PTPRT: variants seen among roughly 807,000 people sequenced by gnomAD.
The protein encoded by PTPRT is receptor-type tyrosine-protein phosphatase T.
PTPRT carries 56 observed loss-of-function variants against 176.8 expected under a neutral mutation model. The observed-to-expected ratio is 0.32, with a 90% CI of 0.26 to 0.40. The LOEUF is 0.40. Among genes scored for constraint, PTPRT ranks in the 10% least tolerant of loss-of-function variants. PTPRT has a pLI of 1.00. For synonymous variants in PTPRT, 783 were observed against 739.0 expected, an observed-to-expected ratio of 1.06 and a Z score of -0.96; for missense variants, 1,540 against 1,908.2, an observed-to-expected ratio of 0.81 and a Z score of 3.60.
intron 6 of PTPRT, among the ~76,000 whole-genome samples, chr20:42,700,478 T>A (rs985394383): frequency 3.3e-5 from 5 of 152,228 alleles, no homozygotes; most frequent in African/African-American, 1.2e-4. Context: ...GTGTTCTCAC[T>A]TAAGAATGCT....
At chr20:42,287,374 TACA>T (rs1322098520) in intron 12 of PTPRT, among the ~76,000 whole-genome samples, 1 of 151,926 alleles carries the variant, frequency 6.6e-6, no homozygotes, top group African/African-American at 2.4e-5. Context: ...GTGGTATATA[TACA>T]ACAAGGAGTA....
chr20:42,715,487 A>T (rs1421577249), intron 6 of PTPRT, among the ~76,000 whole-genome samples: 2 of 152,188 alleles, frequency 1.3e-5, no homozygotes, highest in Non-Finnish European at 1.5e-5. Context: ...TAAAAATCTG[A>T]TGACTAAAAA....
intron 7 of PTPRT, among the ~76,000 whole-genome samples, chr20:42,661,777 G>A (rs1340370287): frequency 6.6e-6 from 1 of 152,188 alleles, no homozygotes; most frequent in Admixed American, 6.5e-5. Flanking sequence ...CCAATAGTGG[G>A]TGGGATTTAG....
intron 7 of PTPRT, among the ~76,000 whole-genome samples, chr20:42,673,974 T>C (rs186333548): frequency 5.1e-4 from 78 of 152,320 alleles, no homozygotes; most frequent in African/African-American, 1.8e-3. Context: ...TAACCCAGCC[T>C]GTAAATTCCT....
At chr20:42,774,672 C>A (rs2077108253) in intron 4 of PTPRT, among the ~76,000 whole-genome samples, 1 of 152,236 alleles carries the variant, frequency 6.6e-6, no homozygotes. Flanking sequence ...GATCCAGCCC[C>A]ATACATTCAG....
intron 9 of PTPRT, among the ~76,000 whole-genome samples, chr20:42,422,953 C>T (rs1332754616): frequency 1.3e-5 from 2 of 151,944 alleles, no homozygotes; most frequent in African/African-American, 4.8e-5. Context: ...AACAGAAAAC[C>T]AAATACCACA....
At chr20:42,322,572 A>C (rs2057816133) in intron 11 of PTPRT, among the ~76,000 whole-genome samples, 2 of 141,994 alleles carry the variant, frequency 1.4e-5, no homozygotes, top group Non-Finnish European at 3.0e-5. Context: ...GAAAGCTGAA[A>C]CTGGATCCCT....
intron 11 of PTPRT, among the ~76,000 whole-genome samples, chr20:42,347,976 G>A (rs1216906164): frequency 6.6e-6 from 1 of 152,164 alleles, no homozygotes; most frequent in African/African-American, 2.4e-5. Context: ...AGCCTCAAGA[G>A]GACAGAGGTG....
At chr20:42,872,881 G>A (rs1001425132) in intron 2 of PTPRT, among the ~76,000 whole-genome samples, 1 of 152,216 alleles carries the variant, frequency 6.6e-6, no homozygotes, top group Admixed American at 6.5e-5. Context: ...GACAGATCTG[G>A]GATGAGTTCC....
chr20:42,246,387 C>T (rs1326473433), intron 14 of PTPRT, among the ~76,000 whole-genome samples: 4 of 152,094 alleles, frequency 2.6e-5, no homozygotes. Flanking sequence ...TCAAAAGATG[C>T]CATATATGTA....
chr20:42,361,077 C>T (rs930723333), intron 9 of PTPRT, among the ~76,000 whole-genome samples: 1 of 152,170 alleles, frequency 6.6e-6, no homozygotes, highest in African/African-American at 2.4e-5. Context: ...CCTCTGTGCA[C>T]ATCCTGTGTG....
At chr20:42,843,168 T>C (rs1034674868) in intron 2 of PTPRT, among the ~76,000 whole-genome samples, 9 of 152,224 alleles carry the variant, frequency 5.9e-5, no homozygotes, top group Admixed American at 2.0e-4. Context: ...TCTGCCTGTC[T>C]GAGATAAATG....
chr20:42,457,393 T>C (rs577102588), intron 8 of PTPRT, among the ~76,000 whole-genome samples: 86 of 152,208 alleles, frequency 5.7e-4, no homozygotes, highest in Non-Finnish European at 9.3e-4. Context: ...TTAGTTTTTT[T>C]GTTTTGTTTT....
At chr20:42,644,264 T>C (rs2145942430) in intron 7 of PTPRT, among the ~76,000 whole-genome samples, 1 of 152,240 alleles carries the variant, frequency 6.6e-6, no homozygotes, top group African/African-American at 2.4e-5. Flanking sequence ...TCACCTTTTC[T>C]AATCCGCCTT....
At chr20:42,112,100 A>G (rs1987028591) in intron 22 of PTPRT, among the ~76,000 whole-genome samples, 1 of 152,176 alleles carries the variant, frequency 6.6e-6, no homozygotes, top group East Asian at 1.9e-4. Flanking sequence ...CTGGGAAGCT[A>G]CAGGGAGATT....
chr20:42,417,871 G>T (rs1361746845), intron 9 of PTPRT, among the ~76,000 whole-genome samples: 1 of 151,882 alleles, frequency 6.6e-6, no homozygotes, highest in Admixed American at 6.6e-5. Context: ...CTGAGGAGTT[G>T]AGATGACAGG....
At chr20:42,762,765 T>G (rs2076932867) in intron 5 of PTPRT, among the ~76,000 whole-genome samples, 1 of 152,242 alleles carries the variant, frequency 6.6e-6, no homozygotes. Context: ...GGGATACATG[T>G]TCTAAATTGA....
At chr20:42,846,742 T>G (rs909880925) in intron 2 of PTPRT, among the ~76,000 whole-genome samples, 1 of 152,082 alleles carries the variant, frequency 6.6e-6, no homozygotes, top group Non-Finnish European at 1.5e-5. Flanking sequence ...GCTCCTACCT[T>G]CTGAAGTGGG....
At chr20:42,204,522 C>T (rs2055403099) in intron 15 of PTPRT, among the ~76,000 whole-genome samples, 1 of 152,212 alleles carries the variant, frequency 6.6e-6, no homozygotes, top group African/African-American at 2.4e-5. Flanking sequence ...TATTCCTTTG[C>T]AGGAACATTT....
Sources: allele counts gnomAD v4.1 joint callset (sites outside exome capture counted in the v4.1 genomes callset), GRCh38; gene constraint gnomAD v4.1.1; transcripts MANE v1.5; gene names NCBI Gene and HGNC (gene_info 2026-07-23, HGNC 2026-07-21).